Variants in TRAK2 observed in about 807,000 individuals in gnomAD.
TRAK2 encodes trafficking kinesin protein 2.
A neutral mutation model predicts 104.6 loss-of-function variants in TRAK2; 81 were observed. The observed-to-expected ratio is 0.77, with a 90% CI of 0.65 to 0.93. The LOEUF (loss-of-function observed/expected upper bound fraction) is 0.93. Among genes scored for constraint, TRAK2 ranks in the 40% least tolerant of loss-of-function variants. The pLI is 0.00. For missense variants in TRAK2, 1,002 were observed against 1,089.0 expected, an observed-to-expected ratio of 0.92 and a Z score of 1.12; for synonymous variants, 406 against 394.4, an observed-to-expected ratio of 1.03 and a Z score of -0.35.
At chr2:201,435,143 G>T (rs750709875) in intron 1 of TRAK2, among the ~76,000 whole-genome samples, 18 of 152,002 alleles carry the variant, frequency 1.2e-4, no homozygotes, top group Non-Finnish European at 2.2e-4. Flanking sequence ...TGCAACCTTC[G>T]CCTCCTGGGC....
intron 2 of TRAK2, chr2:201,412,048 A>C: frequency 9.2e-7 from 1 of 1,092,576 alleles, no homozygotes; most frequent in Non-Finnish European, 1.4e-6. Flanking sequence ...AAATTAACAA[A>C]ATCTGGATTG....
rs117349053 is a variant in TRAK2, at chr2:201,392,533, A to G, written c.1113+376T>C. The stretch of plus-strand genomic sequence containing the variant: ...TACATTCTAACAAGTTAAAAATATC[A>G]GGAGACTCAAGATTTATTGAAAGAG... On this transcript the variant is annotated intron_variant, in intron 10 of 15. Transcript: ENST00000332624. Among the ~76,000 whole-genome samples the G allele has an allele frequency of 5.8e-3, 881 of 152,256 alleles. 22 individuals are homozygous for G. In the East Asian group the frequency reaches 0.062, roughly 11 times the overall value.
Position 201,387,911 on chromosome 2 carries a change from A to T in TRAK2, c.1488T>A (p.Tyr496Ter). 6.2e-7 allele frequency: 1 copy of T among 1,614,148 alleles called. No individual in the cohort carries two copies. The highest frequency in any genetic ancestry group is 8.5e-7 in the Non-Finnish European group (1 of 1,180,032). ...LHRLSLRRQN[Y>*]LSEKQFFAEE... Reference sequence around the variant, plus strand: ...CAGCAAAGAACTGCTTCTCACTTAAATAGTTTTGTCGACGCAAGCTAAGGC... The same window carrying T: ...CAGCAAAGAACTGCTTCTCACTTAATTAGTTTTGTCGACGCAAGCTAAGGC... The change falls in exon 13 of 16, where the codon TAT becomes TAA. Residue 496 changes from tyrosine to a stop codon, truncating the protein, a stop_gained. Transcript: ENST00000332624. LOFTEE classifies it high-confidence loss of function.
intron 2 of TRAK2, chr2:201,413,206 C>G: frequency 6.7e-7 from 1 of 1,493,210 alleles, no homozygotes; most frequent in Non-Finnish European, 9.3e-7. Context: ...ATGTGCTGAC[C>G]AACATCAAAT....
chr2:201,437,864 C>T (rs2125661393), intron 1 of TRAK2, among the ~76,000 whole-genome samples: 1 of 152,320 alleles, frequency 6.6e-6, no homozygotes, highest in African/African-American at 2.4e-5. Flanking sequence ...AATGTACACA[C>T]AAACCTAGCA....
At chr2:201,410,769 T>A in intron 2 of TRAK2, 1 of 1,594,724 alleles carries the variant, frequency 6.3e-7, no homozygotes, top group Admixed American at 1.7e-5. Flanking sequence ...GTTGTGATAA[T>A]TGGTTCATGC....
chr2:201,391,209 A>G (rs1380841838), intron 10 of TRAK2, among the ~76,000 whole-genome samples: 1 of 152,046 alleles, frequency 6.6e-6, no homozygotes, highest in Admixed American at 6.6e-5. Flanking sequence ...CTTAAAGGAG[A>G]TCCTACTGAT....
chr2:201,398,081 A>G, intron 6 of TRAK2, 64 bp downstream of exon 6: 1 of 1,469,604 alleles, frequency 6.8e-7, no homozygotes, highest in Non-Finnish European at 9.5e-7. Flanking sequence ...TCACCTCAAT[A>G]GTACCTGGAC....
At chr2:201,385,500 A>G (rs1417964464) in intron 14 of TRAK2, among the ~76,000 whole-genome samples, 2 of 152,188 alleles carry the variant, frequency 1.3e-5, no homozygotes, top group East Asian at 3.9e-4. Flanking sequence ...TAATGTTAAC[A>G]AAGTAATGAA....
rs1476202262 is a variant in TRAK2 at position 201,447,064 on chromosome 2, T to C, written c.-200+4286A>G. On this transcript the variant is annotated intron_variant, in intron 1 of 15. Coordinates refer to ENST00000332624, the MANE Select transcript of TRAK2 (RefSeq NM_015049.3). The surrounding 1 kb of genome is among the most constrained non-coding windows in gnomAD (Gnocchi z 4.1). Reference sequence around the variant, plus strand: ...CTGTTAGTTCAGCATCCTGTGGCACTAGCTACCTTGGTTACCTTGTCTCCG... The same window carrying C: ...CTGTTAGTTCAGCATCCTGTGGCACCAGCTACCTTGGTTACCTTGTCTCCG... 1.3e-5 allele frequency among the ~76,000 whole-genome samples: 2 copies of C among 152,258 alleles called. No homozygotes were observed. The highest frequency in any genetic ancestry group is 2.9e-5 in the Non-Finnish European group (2 of 68,036).
At chr2:201,437,238 T>C (rs1395360602) in intron 1 of TRAK2, among the ~76,000 whole-genome samples, 1 of 152,154 alleles carries the variant, frequency 6.6e-6, no homozygotes. Flanking sequence ...CTATAATAAA[T>C]AGGAGGCTGT....
intron 4 of TRAK2, among the ~76,000 whole-genome samples, chr2:201,400,488 A>T (rs1009794934): frequency 1.3e-5 from 2 of 152,044 alleles, no homozygotes; most frequent in African/African-American, 4.8e-5. Context: ...GGAGAAGGAT[A>T]TGTTAAAGAA....
chr2:201,406,654 A>G (rs927878933), intron 3 of TRAK2, among the ~76,000 whole-genome samples: 1 of 152,238 alleles, frequency 6.6e-6, no homozygotes, highest in Non-Finnish European at 1.5e-5. Flanking sequence ...TTTCACAAAC[A>G]TATCAGTATT....
At chr2:201,409,786 T>G (rs1559446059) in intron 2 of TRAK2, among the ~76,000 whole-genome samples, 1 of 152,206 alleles carries the variant, frequency 6.6e-6, no homozygotes, top group Non-Finnish European at 1.5e-5. Context: ...AGCATCAAGA[T>G]TTTTTACATA....
intron 2 of TRAK2, among the ~76,000 whole-genome samples, chr2:201,414,544 C>T (rs1951675602): frequency 6.6e-6 from 1 of 152,174 alleles, no homozygotes; most frequent in African/African-American, 2.4e-5. Context: ...CTGGCAATAT[C>T]AGACATCCCT....
intron 1 of TRAK2, among the ~76,000 whole-genome samples, chr2:201,424,728 G>A (rs1405373573): frequency 2.0e-5 from 3 of 151,658 alleles, no homozygotes; most frequent in East Asian, 1.9e-4. Context: ...TCAGCCTCCC[G>A]AGTAGCTGGG....
chr2:201,399,410 G>C lies in TRAK2; in HGVS notation c.447C>G (p.Ser149=). Residue 149 remains serine (S), a synonymous_variant, in exon 5 of 16, where the codon TCC becomes TCG. Coordinates refer to ENST00000332624, the MANE Select transcript of TRAK2 (RefSeq NM_015049.3). ...AGGCTTGTCCCAATTGCTCCTCCAG[G>C]GATTCGTTCTGCTCAGATAAGACAT... The part of the protein sequence containing the change: ...RNHVLSEQNE[S]LEEQLGQAFD... The C allele has an allele frequency of 6.2e-7, 1 of 1,611,592 alleles. No homozygotes were observed. Among genetic ancestry groups the C allele is most frequent in the South Asian group, 1.1e-5 (1 of 90,730 alleles).
intron 3 of TRAK2, among the ~76,000 whole-genome samples, chr2:201,401,513 T>C (rs1388224154): frequency 6.6e-6 from 1 of 152,066 alleles, no homozygotes; most frequent in Non-Finnish European, 1.5e-5. Context: ...AGGAATTTAA[T>C]TGGAATTCTG....
At chr2:201,413,537 C>G (rs1951666663) in intron 2 of TRAK2, among the ~76,000 whole-genome samples, 1 of 152,048 alleles carries the variant, frequency 6.6e-6, no homozygotes, top group African/African-American at 2.4e-5. Flanking sequence ...TACTGTATTA[C>G]TATTGAGTTT....
Sources: gnomAD v4.1 joint callset for allele counts (sites outside exome capture counted in the v4.1 genomes callset) on GRCh38, gnomAD v4.1.1 for gene constraint, Gnocchi (gnomAD v3.1) non-coding constraint, MANE v1.5 for transcripts, NCBI Gene and HGNC (gene_info 2026-07-23, HGNC 2026-07-21) for gene names.